The following MEOX2 variants were observed in gnomAD, a reference collection of about 807,000 sequenced individuals.
The protein encoded by MEOX2 is homeobox protein MOX-2.
Under a neutral mutation model 27.0 loss-of-function variants are expected in MEOX2, and 11 were observed. That is an observed-to-expected ratio of 0.41 (90% CI 0.26 to 0.68). The LOEUF is 0.68. Ranked by LOEUF, MEOX2 falls within the 30% of genes least tolerant of loss-of-function variation. The probability of loss-of-function intolerance (pLI) is 0.33; values close to 1 mark genes in which losing one functional copy is unlikely to be tolerated. For synonymous variants in MEOX2, 189 were observed against 155.4 expected (o/e 1.22, Z -1.61); for missense variants, 436 against 385.4 (o/e 1.13, Z -1.10).
intron 1 of MEOX2, among the ~76,000 whole-genome samples, chr7:15,636,647 C>A (rs757489943): frequency 6.6e-6 from 1 of 152,082 alleles, no homozygotes; most frequent in Non-Finnish European, 1.5e-5. Context: ...TTCAATTATA[C>A]ATGCCATATA....
intron 1 of MEOX2, among the ~76,000 whole-genome samples, chr7:15,662,514 A>G (rs3801422): frequency 0.22 from 32,876 of 151,984 alleles, 4,319 homozygotes; most frequent in East Asian, 0.4. Context: ...TAGATTCAAA[A>G]TAAAAGAATA....
Position 15,659,966 on chromosome 7 carries a change from C to G in MEOX2, c.517+25920G>C, listed in dbSNP as rs117292572. 9.7e-3 allele frequency among the ~76,000 whole-genome samples: 1,481 copies of G among 152,052 alleles called. 10 individuals carry two copies. Among genetic ancestry groups the G allele is most frequent in the Non-Finnish European group, 0.015 (1,051 of 67,994 alleles). On this transcript the variant is annotated intron_variant, in intron 1 of 2. Coordinates refer to ENST00000262041, the MANE Select transcript of MEOX2 (RefSeq NM_005924.5). ...TGTCTCTGTAATCAGGTTTAGGAGA[C>G]AGAAGTTAATAAATGATTACAATGC...
At chr7:15,666,751 CAAAAAAAAAAA>C (rs61294753) in intron 1 of MEOX2, among the ~76,000 whole-genome samples, 7 of 63,058 alleles carry the variant, frequency 1.1e-4, no homozygotes, top group South Asian at 6.2e-4. Context: ...GACTCTGTCT[CAAAAAAAAAAA>C]AAAAAAAAAA....
chr7:15,667,107 G>T (rs1423392032), intron 1 of MEOX2, among the ~76,000 whole-genome samples: 1 of 150,444 alleles, frequency 6.6e-6, no homozygotes, highest in Non-Finnish European at 1.5e-5. Context: ...CTGGCCAACA[G>T]GGTGAAACCC....
At chr7:15,682,830 T>C (rs1432690617) in intron 1 of MEOX2, among the ~76,000 whole-genome samples, 1 of 151,856 alleles carries the variant, frequency 6.6e-6, no homozygotes, top group Non-Finnish European at 1.5e-5. Flanking sequence ...TTTTTAAGAG[T>C]CCCTTTGAAG....
At position 15,619,243 on chromosome 7, in the gene MEOX2, TA is replaced by T. The variant is rs1781176791; in HGVS notation, c.691-6633del. Among the ~76,000 whole-genome samples, 3 of 152,130 alleles carry T rather than the reference TA, an allele frequency of 2.0e-5. No homozygotes were observed. The South Asian group carries it at 6.2e-4, about 32-fold the overall frequency. ...AGCATCTCAGTTTTAGAATTTTTTTTAACATGAATAAAACTTATGGATGCAA... is the reference window on the plus strand; with the variant it reads ...AGCATCTCAGTTTTAGAATTTTTTTTACATGAATAAAACTTATGGATGCAA... On this transcript the variant is annotated intron_variant, in intron 2 of 2. Coordinates refer to ENST00000262041, the MANE Select transcript of MEOX2 (RefSeq NM_005924.5).
intron 1 of MEOX2, among the ~76,000 whole-genome samples, chr7:15,660,323 G>A (rs957937688): frequency 2.6e-5 from 4 of 151,952 alleles, no homozygotes; most frequent in African/African-American, 7.3e-5. Context: ...TGAGCAACAG[G>A]GAGTATAAAT....
At position 15,658,620 on chromosome 7, in the gene MEOX2, C is replaced by T. The variant is rs539724546; in HGVS notation, c.517+27266G>A. ...CTTCCCCCAGTACGTATGTTGAAATCTCTAATCCCCAATGTGATGGTATTT... is the reference window on the plus strand; with the variant it reads ...CTTCCCCCAGTACGTATGTTGAAATTTCTAATCCCCAATGTGATGGTATTT... On this transcript the variant is annotated intron_variant, in intron 1 of 2. Coordinates refer to ENST00000262041, the MANE Select transcript of MEOX2 (RefSeq NM_005924.5). Among the ~76,000 whole-genome samples, 72 of 152,254 alleles carry T rather than the reference C, an allele frequency of 4.7e-4. 3 individuals are homozygous for T. The South Asian group carries it at 0.015, about 31-fold the overall frequency.
chr7:15,663,430 T>A (rs1353980732), intron 1 of MEOX2, among the ~76,000 whole-genome samples: 2 of 151,950 alleles, frequency 1.3e-5, no homozygotes, highest in Non-Finnish European at 2.9e-5. Context: ...CCTCCCGGGT[T>A]TAAGCAAGTC....
chr7:15,632,102 G>C (rs184449462), intron 1 of MEOX2, among the ~76,000 whole-genome samples: 1 of 151,904 alleles, frequency 6.6e-6, no homozygotes, highest in Admixed American at 6.6e-5. Flanking sequence ...CTTAGATGTA[G>C]ACGTTTCCTT....
At chr7:15,629,664 T>C (rs778838876) in intron 1 of MEOX2, among the ~76,000 whole-genome samples, 2 of 152,132 alleles carry the variant, frequency 1.3e-5, no homozygotes, top group African/African-American at 2.4e-5. Flanking sequence ...TTTACCCTTG[T>C]AGTGTGGTTT....
At chr7:15,664,326 C>T (rs918235633) in intron 1 of MEOX2, among the ~76,000 whole-genome samples, 1 of 152,116 alleles carries the variant, frequency 6.6e-6, no homozygotes, top group African/African-American at 2.4e-5. Context: ...CATTTGGCTT[C>T]TCTTTTTCTT....
chr7:15,640,358 G>A (rs774787516), intron 1 of MEOX2, among the ~76,000 whole-genome samples: 1 of 151,784 alleles, frequency 6.6e-6, no homozygotes, highest in African/African-American at 2.4e-5. Context: ...CAATGAAATT[G>A]ATTTTTATAC....
intron 1 of MEOX2, among the ~76,000 whole-genome samples, chr7:15,642,031 C>T (rs967450110): frequency 2.6e-5 from 4 of 152,040 alleles, no homozygotes; most frequent in African/African-American, 7.2e-5. Flanking sequence ...TTTTCTTTAT[C>T]GGTCTTTAAG....
At chr7:15,666,716 C>T (rs1172775077) in intron 1 of MEOX2, among the ~76,000 whole-genome samples, 2 of 128,440 alleles carry the variant, frequency 1.6e-5, no homozygotes. Context: ...CGTGCCACTG[C>T]ACTCCAGCGT....
intron 1 of MEOX2, among the ~76,000 whole-genome samples, chr7:15,684,781 T>A (rs559618284): frequency 6.6e-6 from 1 of 152,302 alleles, no homozygotes; most frequent in South Asian, 2.1e-4. Context: ...CTTCCAAAAG[T>A]ATTTAATCCA....
chr7:15,686,561 C>T lies in MEOX2; in HGVS notation c.-159G>A. The T allele has an allele frequency of 1.5e-6, 1 of 679,964 alleles. No individual in the cohort carries two copies. Among genetic ancestry groups the T allele is most frequent in the Non-Finnish European group, 2.4e-6 (1 of 408,330 alleles). The allele number at this position is 679,964 out of a possible 1,614,324, so 42.1% of individuals were successfully genotyped here. On this transcript the variant is annotated 5_prime_UTR_variant, in exon 1 of 3. Transcript: ENST00000262041. The stretch of plus-strand genomic sequence containing the variant: ...GAGCTCGGATAATCCCGGTCCTGAG[C>T]CCCAGCGGCCAGTCTCCTTTACATA...
At chr7:15,616,372 G>A (rs565131788) in intron 2 of MEOX2, among the ~76,000 whole-genome samples, 1 of 151,738 alleles carries the variant, frequency 6.6e-6, no homozygotes, top group Admixed American at 6.6e-5. Context: ...AAATATTGGA[G>A]TGAATTAAAA....
chr7:15,660,455 T>C (rs1313117979), intron 1 of MEOX2, among the ~76,000 whole-genome samples: 1 of 152,112 alleles, frequency 6.6e-6, no homozygotes, highest in Non-Finnish European at 1.5e-5. Context: ...TTTGGCACTA[T>C]GGACCTTCTG....
Sources: gnomAD v4.1 joint callset for allele counts (sites outside exome capture counted in the v4.1 genomes callset) on GRCh38, gnomAD v4.1.1 for gene constraint, MANE v1.5 for transcripts, NCBI Gene and HGNC (gene_info 2026-07-23, HGNC 2026-07-21) for gene names.